Variants in MYO7B observed in about 807,000 individuals in gnomAD.
MYO7B encodes the protein myosin VIIB.
A neutral mutation model predicts 259.7 loss-of-function variants in MYO7B; 212 were observed. That is an observed-to-expected ratio of 0.82 (90% CI 0.73 to 0.91). The LOEUF (loss-of-function observed/expected upper bound fraction) is 0.91, where lower values mean the gene tolerates loss of function less well. Ranked by LOEUF, MYO7B falls within the 40% of genes least tolerant of loss-of-function variation. The probability of loss-of-function intolerance (pLI) is 0.00; values close to 1 mark genes in which losing one functional copy is unlikely to be tolerated. For synonymous variants in MYO7B, 1,197 were observed against 1,166.4 expected, an observed-to-expected ratio of 1.03 and a Z score of -0.54; for missense variants, 2,732 against 2,813.5, an observed-to-expected ratio of 0.97 and a Z score of 0.66.
At chr2:127,573,096 G>A (rs1227987199) in intron 6 of MYO7B, among the ~76,000 whole-genome samples, 1 of 152,160 alleles carries the variant, frequency 6.6e-6, no homozygotes, top group Non-Finnish European at 1.5e-5. Flanking sequence ...GAGAGAGACA[G>A]GGTGCCGTGT....
intron 1 of MYO7B, among the ~76,000 whole-genome samples, chr2:127,541,353 C>A (rs114592478): frequency 2.6e-5 from 4 of 152,170 alleles, no homozygotes; most frequent in Non-Finnish European, 5.9e-5. Context: ...CCAGATAGGC[C>A]GACAGCATAG....
At chr2:127,625,246 C>T (rs936198678) in intron 30 of MYO7B, 122 bp from the exon 31 acceptor site, 21 of 1,209,576 alleles carry the variant, frequency 1.7e-5, no homozygotes, top group African/African-American at 6.3e-5. Context: ...AGGTCCTGCC[C>T]GAGCCACAGG....
rs575299118 is a variant in MYO7B at position 127,543,664 on chromosome 2, A to T, written c.-24+7833A>T. On this transcript the variant is annotated intron_variant, in intron 1 of 47. Coordinates refer to ENST00000409816, the MANE Select transcript of MYO7B (RefSeq NM_001393586.1). ...AACAGTTCAATATAATTACCTCCCC[A>T]GAGTATTTCTCTCCATCACTCTCTT... is the stretch of plus-strand genomic sequence containing the variant. 3.3e-5 allele frequency among the ~76,000 whole-genome samples: 5 copies of T among 152,086 alleles called. No homozygotes were observed. In the South Asian group the frequency reaches 1.0e-3, roughly 32 times the overall value.
intron 31 of MYO7B, 103 bp downstream of exon 31, chr2:127,625,638 AC>A (rs533793614): frequency 0.012 from 15,590 of 1,257,602 alleles, 112 homozygotes; most frequent in Non-Finnish European, 0.015. Context: ...CACAACCCCC[AC>A]CCCCTGGGGA....
chr2:127,576,754 A>T lies in MYO7B; in HGVS notation c.849+46A>T. ...CTCCCAGTAGCCAGTGGAAGGGAGG[A>T]AAAAGAGCTTGTGCCGCTCCACCCT... On this transcript the variant is annotated intron_variant, in intron 8 of 47. Coordinates refer to ENST00000409816, the MANE Select transcript of MYO7B (RefSeq NM_001393586.1). The surrounding 1 kb of genome is among the most constrained non-coding windows in gnomAD (Gnocchi z 4.9). 7.3e-7 allele frequency: 1 copy of T among 1,369,176 alleles called. No individual in the cohort carries two copies. The highest frequency in any genetic ancestry group is 1.0e-6 in the Non-Finnish European group (1 of 971,272). The allele number at this position is 1,369,176 out of a possible 1,614,324, so 84.8% of individuals were successfully genotyped here. A position where few individuals can be genotyped will look rare whatever the true frequency, so the allele number is the denominator to read the frequency against.
Position 127,607,702 on chromosome 2 carries a change from A to G in MYO7B, c.2643+278A>G, listed in dbSNP as rs942964261. Among the ~76,000 whole-genome samples, 3 of 152,338 alleles carry G rather than the reference A, an allele frequency of 2.0e-5. No individual in the cohort carries two copies. Among genetic ancestry groups the G allele is most frequent in the Admixed American group, 2.0e-4 (3 of 15,310 alleles). On this transcript the variant is annotated intron_variant, in intron 21 of 47. Coordinates refer to ENST00000409816, the MANE Select transcript of MYO7B (RefSeq NM_001393586.1). This position sits in a 1 kb window ranked among gnomAD's most constrained non-coding sequence, Gnocchi z 4.4. ...CTCCCTATTCAAAGTCAGTTCTACA[A>G]TGGCTCTGCAATGGCTGGGGAGCCG...
intron 40 of MYO7B, 88 bp from the exon 41 acceptor site, chr2:127,634,088 A>G: frequency 9.4e-7 from 1 of 1,059,310 alleles, no homozygotes; most frequent in Non-Finnish European, 1.4e-6. Context: ...TTCATGAAGG[A>G]GCAAAAGTGC....
At chr2:127,624,051 A>G (rs968699721) in intron 29 of MYO7B, 42 bp from the exon 30 acceptor site, 11 of 1,513,220 alleles carry the variant, frequency 7.3e-6, no homozygotes, top group Non-Finnish European at 9.8e-6. Context: ...GGGGTGGGGC[A>G]TGCAACAGCC....
chr2:127,586,907 T>C lies in MYO7B; in HGVS notation c.1691-1485T>C, dbSNP rs35583378. On this transcript the variant is annotated intron_variant, in intron 14 of 47. Coordinates refer to ENST00000409816, the MANE Select transcript of MYO7B (RefSeq NM_001393586.1). The surrounding 1 kb of genome is among the most constrained non-coding windows in gnomAD (Gnocchi z 4.8). ...CCTGGTGGGGAGCTCTGCCTGAGCC[T>C]CAGGGGTGCAAGGTGTCACCGAGTG... Among the ~76,000 whole-genome samples the C allele has an allele frequency of 0.34, 51,766 of 151,738 alleles. 11,049 individuals are homozygous for C. The highest frequency in any genetic ancestry group is 0.67 in the East Asian group (3,417 of 5,098).
At chr2:127,619,204 G>T (rs1680717770) in intron 26 of MYO7B, among the ~76,000 whole-genome samples, 1 of 144,248 alleles carries the variant, frequency 6.9e-6, no homozygotes, top group Non-Finnish European at 1.5e-5. Context: ...CTGGATGGTG[G>T]TGGCTGGCTG....
At chr2:127,612,969 G>A (rs547180376) in intron 26 of MYO7B, among the ~76,000 whole-genome samples, 4 of 152,290 alleles carry the variant, frequency 2.6e-5, no homozygotes, top group South Asian at 2.1e-4. Context: ...GAAGAAACAC[G>A]TATAGTCAGC....
At chr2:127,544,003 C>T (rs1252468579) in intron 1 of MYO7B, among the ~76,000 whole-genome samples, 2 of 152,090 alleles carry the variant, frequency 1.3e-5, no homozygotes, top group African/African-American at 4.8e-5. Flanking sequence ...CCTCTCCTGA[C>T]CTCGTGATCT....
chr2:127,571,575 G>A (rs188929600), intron 6 of MYO7B, among the ~76,000 whole-genome samples: 15 of 151,456 alleles, frequency 9.9e-5, no homozygotes, highest in Non-Finnish European at 2.2e-4. Context: ...CTGCCTGTTA[G>A]GTTCAAGCGA....
chr2:127,596,599 A>G (rs778119175), intron 19 of MYO7B, 43 bp downstream of exon 19: 37 of 1,475,188 alleles, frequency 2.5e-5, no homozygotes, highest in Non-Finnish European at 3.4e-5. Flanking sequence ...ACTCCTGCCC[A>G]CAGTGTCCCC....
intron 2 of MYO7B, among the ~76,000 whole-genome samples, chr2:127,561,023 G>A (rs6728458): frequency 0.038 from 5,840 of 152,180 alleles, 409 homozygotes; most frequent in African/African-American, 0.13. Flanking sequence ...GGTTGTGAGC[G>A]CTTCTGGTAA....
chr2:127,608,239 G>T (rs910338955), intron 21 of MYO7B, among the ~76,000 whole-genome samples: 3 of 152,226 alleles, frequency 2.0e-5, no homozygotes, highest in African/African-American at 7.2e-5. Context: ...TGCACCCATA[G>T]ACACGTCAGC....
In MYO7B at chr2:127,623,393, T is replaced by C; in HGVS notation, c.3819+18T>C. On this transcript the variant is annotated intron_variant, in intron 29 of 47. Coordinates refer to ENST00000409816, the MANE Select transcript of MYO7B (RefSeq NM_001393586.1). ...ACGACAAGGTACCAGCCAGGCACCC[T>C]GCCCGTCAGCCGCCTCCCTCATACA... 6.5e-7 allele frequency: 1 copy of C among 1,548,206 alleles called. No individual in the cohort carries two copies. Among genetic ancestry groups the C allele is most frequent in the Non-Finnish European group, 8.7e-7 (1 of 1,148,944 alleles).
chr2:127,635,556 G>T, intron 43 of MYO7B, 166 bp from the exon 44 acceptor site: 3 of 775,466 alleles, frequency 3.9e-6, no homozygotes, highest in African/African-American at 1.7e-5. Context: ...AGGGGGCCCT[G>T]CCCTGACTCA....
chr2:127,607,361 G>A lies in MYO7B; in HGVS notation c.2580G>A (p.Val860=). The part of the protein sequence containing the change: ...QQVQAKRRAV[V]VIQAHARGMA... ...TCCAGGCCAAGAGGAGGGCAGTGGTGGTCATTCAGGCCCATGCCAGGGGCA... is the reference window on the plus strand; with the variant it reads ...TCCAGGCCAAGAGGAGGGCAGTGGTAGTCATTCAGGCCCATGCCAGGGGCA... The change falls in exon 21 of 48, where the codon GTG becomes GTA. Residue 860 remains valine (V), a synonymous_variant. Transcript: ENST00000409816. The surrounding 1 kb of genome is among the most constrained non-coding windows in gnomAD (Gnocchi z 4.4). 1 of 1,551,478 alleles carries A rather than the reference G, an allele frequency of 6.4e-7. No homozygotes were observed. The highest frequency in any genetic ancestry group is 8.7e-7 in the Non-Finnish European group (1 of 1,146,862).
Sources: gnomAD v4.1 joint callset for allele counts (sites outside exome capture counted in the v4.1 genomes callset) on GRCh38, gnomAD v4.1.1 for gene constraint, Gnocchi (gnomAD v3.1) non-coding constraint, MANE v1.5 for transcripts, NCBI Gene and HGNC (gene_info 2026-07-23, HGNC 2026-07-21) for gene names.